DNAAF3: variants seen among roughly 807,000 people sequenced by gnomAD.
DNAAF3 encodes the protein dynein axonemal assembly factor 3, also known as UPF0470 protein C19orf51.
In DNAAF3, 40 loss-of-function variants were observed where a neutral mutation model predicts 50.9. The observed-to-expected ratio is 0.79, with a 90% confidence interval of 0.61 to 1.02. The LOEUF (loss-of-function observed/expected upper bound fraction) is 1.02, where lower values mean the gene tolerates loss of function less well. Among genes scored for constraint, DNAAF3 ranks in the 50% least tolerant of loss-of-function variants. DNAAF3 has a pLI of 0.00. For synonymous variants in DNAAF3, 327 were observed against 322.8 expected, an observed-to-expected ratio of 1.01 and a Z score of -0.14; for missense variants, 763 against 744.7, an observed-to-expected ratio of 1.02 and a Z score of -0.29.
chr19:55,162,748 A>T, intron 4 of DNAAF3: 3 of 906,004 alleles, frequency 3.3e-6, no homozygotes, highest in Non-Finnish European at 4.0e-6. Flanking sequence ...ATTACATATT[A>T]TAGGTAATCT....
chr19:55,166,204 C>T lies in DNAAF3; in HGVS notation c.85+125G>A. ...CTGCCCCTGGGAGCGCGCCCTCTGC[C>T]GCTGGAGCGTTGGAGAACGTTAGCG... On this transcript the variant is annotated intron_variant, in intron 2 of 11. Coordinates refer to ENST00000524407, the MANE Select transcript of DNAAF3 (RefSeq NM_001256715.2). The surrounding 1 kb of genome is among the most constrained non-coding windows in gnomAD (Gnocchi z 4.0). The T allele has an allele frequency of 1.2e-5, 19 of 1,547,862 alleles. No individual in the cohort carries two copies. Among genetic ancestry groups the T allele is most frequent in the Non-Finnish European group, 1.7e-5 (19 of 1,146,598 alleles).
Position 55,161,001 on chromosome 19 carries a change from G to A in DNAAF3, c.912+64C>T. 6.7e-7 allele frequency: 1 copy of A among 1,488,244 alleles called. No homozygotes were observed. Among genetic ancestry groups the A allele is most frequent in the Non-Finnish European group, 8.9e-7 (1 of 1,120,918 alleles). The allele number at this position is 1,488,244 out of a possible 1,614,324, so 92.2% of individuals were successfully genotyped here. A position where few individuals can be genotyped will look rare whatever the true frequency, so the allele number is the denominator to read the frequency against. The stretch of plus-strand genomic sequence containing the variant: ...GGGGGCGGGGCCTGCTGTGGGGGCG[G>A]GGCCTTGCGCACCCACCGACCCCCA... On this transcript the variant is annotated intron_variant, in intron 8 of 11. Coordinates refer to ENST00000524407, the MANE Select transcript of DNAAF3 (RefSeq NM_001256715.2). This position sits in a 1 kb window ranked among gnomAD's most constrained non-coding sequence, Gnocchi z 6.4.
chr19:55,161,790 G>T lies in DNAAF3; in HGVS notation c.516C>A (p.Arg172=). 1 of 1,486,104 alleles carries T rather than the reference G, an allele frequency of 6.7e-7. No individual in the cohort carries two copies. The allele number at this position is 1,486,104 out of a possible 1,614,324, so 92.1% of individuals were successfully genotyped here. A position where few individuals can be genotyped will look rare whatever the true frequency, so the allele number is the denominator to read the frequency against. ...RERDALEAVF[R]FWAGGEKGPQ... ...GCCCTTTCTCGCCGCCAGCCCAGAAGCGGAATACGGCCTCCAGGGCATCCC... is the reference window on the plus strand; with the variant it reads ...GCCCTTTCTCGCCGCCAGCCCAGAATCGGAATACGGCCTCCAGGGCATCCC... Residue 172 remains arginine (R), a synonymous_variant, in exon 6 of 12, where the codon CGC becomes CGA. Transcript: ENST00000524407. This position sits in a 1 kb window ranked among gnomAD's most constrained non-coding sequence, Gnocchi z 6.4.
intron 4 of DNAAF3, among the ~76,000 whole-genome samples, chr19:55,164,951 T>A (rs1373234613): frequency 6.6e-6 from 1 of 152,042 alleles, no homozygotes; most frequent in African/African-American, 2.4e-5. Context: ...ATATTGGATT[T>A]TTTTTTTCAT....
rs371357562 is a variant in DNAAF3 at position 55,160,770 on chromosome 19, G to C, written c.918C>G (p.Ala306=). ...RTSNGQPVKT[A]GEITQHNVTE... ...TCACGTTGTGTTGAGTGATCTCCCCGGCCGTCTAACAGTAGAAGGGGCGTG... is the reference window on the plus strand; with the variant it reads ...TCACGTTGTGTTGAGTGATCTCCCCCGCCGTCTAACAGTAGAAGGGGCGTG... Residue 306 remains alanine (A), a synonymous_variant, in exon 9 of 12, where the codon GCC becomes GCG. Transcript: ENST00000524407. This position sits in a 1 kb window ranked among gnomAD's most constrained non-coding sequence, Gnocchi z 4.7. The C allele has an allele frequency of 5.0e-6, 8 of 1,609,908 alleles. No individual in the cohort carries two copies. In the Admixed American group the frequency reaches 5.0e-5, roughly 10 times the overall value.
In DNAAF3 at chr19:55,166,244, G is replaced by T; in HGVS notation, c.85+85C>A. 1 of 1,558,838 alleles carries T rather than the reference G, an allele frequency of 6.4e-7. No individual in the cohort carries two copies. Among genetic ancestry groups the T allele is most frequent in the South Asian group, 1.2e-5 (1 of 86,092 alleles). On this transcript the variant is annotated intron_variant, in intron 2 of 11. Transcript: ENST00000524407. This position sits in a 1 kb window ranked among gnomAD's most constrained non-coding sequence, Gnocchi z 4.0. ...GAACGTTAGCGCCCCCCTTGCCACC[G>T]ACGCTGGGACTACGAGCTCTAAAAG...
At position 55,161,664 on chromosome 19, in the gene DNAAF3, G is replaced by T; in HGVS notation, c.642C>A (p.Arg214=). 1 of 1,538,984 alleles carries T rather than the reference G, an allele frequency of 6.5e-7. No individual in the cohort carries two copies. The highest frequency in any genetic ancestry group is 1.2e-5 in the South Asian group (1 of 83,910). Residue 214 remains arginine (R), a synonymous_variant, in exon 6 of 12, where the codon CGC becomes CGA. Coordinates refer to ENST00000524407, the MANE Select transcript of DNAAF3 (RefSeq NM_001256715.2). This position sits in a 1 kb window ranked among gnomAD's most constrained non-coding sequence, Gnocchi z 6.4. ...TCACCCCGCGGTCATGCAGCTTCATGCGCAGGTCCCAGTCGCTGACACCGC... is the reference window on the plus strand; with the variant it reads ...TCACCCCGCGGTCATGCAGCTTCATTCGCAGGTCCCAGTCGCTGACACCGC... The part of the protein sequence containing the change: ...ARRGVSDWDL[R]MKLHDRGAQV...
intron 4 of DNAAF3, among the ~76,000 whole-genome samples, chr19:55,164,948 A>AT (rs141126331): frequency 0.11 from 15,438 of 141,666 alleles, 843 homozygotes; most frequent in Middle Eastern, 0.15. Context: ...AATATATTGG[A>AT]TTTTTTTTTT....
rs1030647614 is a variant in DNAAF3 at position 55,159,514 on chromosome 19, C to T, written c.1238+19G>A. Reference sequence around the variant, plus strand: ...ATCCCCAGCCAGGATGTTCCCCACCCTCCACCCCACTGACTCACCGGGCTA... The same window carrying T: ...ATCCCCAGCCAGGATGTTCCCCACCTTCCACCCCACTGACTCACCGGGCTA... On this transcript the variant is annotated intron_variant, in intron 11 of 11. Transcript: ENST00000524407. 1 of 1,596,998 alleles carries T rather than the reference C, an allele frequency of 6.3e-7. No individual in the cohort carries two copies. The highest frequency in any genetic ancestry group is 8.5e-7 in the Non-Finnish European group (1 of 1,170,308).
intron 4 of DNAAF3, chr19:55,162,635 A>G: frequency 1.0e-6 from 1 of 1,004,450 alleles, no homozygotes; most frequent in Middle Eastern, 4.8e-4. Flanking sequence ...AGAGTTGCAG[A>G]TTCCACACTC....
Position 55,158,750 on chromosome 19 carries a change from G to A in DNAAF3, c.*312C>T, listed in dbSNP as rs2085764659. 3.8e-6 allele frequency: 1 copy of A among 259,888 alleles called. No individual in the cohort carries two copies. Among genetic ancestry groups the A allele is most frequent in the African/African-American group, 2.2e-5 (1 of 46,030 alleles). The allele number at this position is 259,888 out of a possible 1,614,324, so 16.1% of individuals were successfully genotyped here. The stretch of plus-strand genomic sequence containing the variant: ...CACCCCAGCCCCTAGTCAGCCACAG[G>A]GTGCCTGGGAACAAGGGGGCCAAAG... On this transcript the variant is annotated 3_prime_UTR_variant, in exon 12 of 12. Coordinates refer to ENST00000524407, the MANE Select transcript of DNAAF3 (RefSeq NM_001256715.2).
At position 55,159,020 on chromosome 19, in the gene DNAAF3, C is replaced by T. The variant is rs761186350; in HGVS notation, c.*42G>A. On this transcript the variant is annotated 3_prime_UTR_variant, in exon 12 of 12. Transcript: ENST00000524407. ...TATCAGCGGGTTCTCATCCTACAACCTGACTTTGGAAGTTGGAGATAAGGG... is the reference window on the plus strand; with the variant it reads ...TATCAGCGGGTTCTCATCCTACAACTTGACTTTGGAAGTTGGAGATAAGGG... 1.3e-6 allele frequency: 2 copies of T among 1,530,256 alleles called. No homozygotes were observed. Among genetic ancestry groups the T allele is most frequent in the Non-Finnish European group, 1.8e-6 (2 of 1,141,436 alleles). The allele number at this position is 1,530,256 out of a possible 1,614,324, so 94.8% of individuals were successfully genotyped here.
chr19:55,163,827 A>C (rs1044962141), intron 4 of DNAAF3, among the ~76,000 whole-genome samples: 3 of 152,220 alleles, frequency 2.0e-5, no homozygotes, highest in African/African-American at 7.2e-5. Flanking sequence ...AACTTTGAAC[A>C]ATCTGTACTG....
At chr19:55,163,448 G>A (rs982843120) in intron 4 of DNAAF3, among the ~76,000 whole-genome samples, 4 of 151,260 alleles carry the variant, frequency 2.6e-5, no homozygotes, top group South Asian at 4.2e-4. Context: ...GTGAGCCACC[G>A]CGCCCGGCCA....
At chr19:55,162,007 G>T in intron 5 of DNAAF3, 126 bp downstream of exon 5, 1 of 1,338,494 alleles carries the variant, frequency 7.5e-7, no homozygotes, top group South Asian at 1.8e-5. Flanking sequence ...CCCACAGTGG[G>T]AGTCGGGGAA....
chr19:55,160,631 C>T lies in DNAAF3; in HGVS notation c.1048+9G>A. 1.2e-6 allele frequency: 2 copies of T among 1,607,420 alleles called. No homozygotes were observed. Among genetic ancestry groups the T allele is most frequent in the African/African-American group, 1.4e-5 (1 of 73,924 alleles). ...GTCCCTGGCTTACCTGTTGTTGTCC[C>T]TGGCTTACCTGGAGTCCCTGGCTCC... On this transcript the variant is annotated intron_variant, in intron 9 of 11. Transcript: ENST00000524407. This position sits in a 1 kb window ranked among gnomAD's most constrained non-coding sequence, Gnocchi z 4.7.
chr19:55,160,840 G>C lies in DNAAF3; in HGVS notation c.913-65C>G. 1 of 1,561,268 alleles carries C rather than the reference G, an allele frequency of 6.4e-7. No individual in the cohort carries two copies. The highest frequency in any genetic ancestry group is 1.4e-5 in the African/African-American group (1 of 73,524). On this transcript the variant is annotated intron_variant, in intron 8 of 11. Transcript: ENST00000524407. The surrounding 1 kb of genome is among the most constrained non-coding windows in gnomAD (Gnocchi z 4.7). Reference sequence around the variant, plus strand: ...ATGGCGGGGCGGGGCTTAGAACGCTGGGAGTCCTCGGTCCAGGACTAGAAC... The same window carrying C: ...ATGGCGGGGCGGGGCTTAGAACGCTCGGAGTCCTCGGTCCAGGACTAGAAC...
chr19:55,164,700 T>C (rs1568867852), intron 4 of DNAAF3, among the ~76,000 whole-genome samples: 1 of 151,860 alleles, frequency 6.6e-6, no homozygotes, highest in Non-Finnish European at 1.5e-5. Context: ...AATTGTTGTA[T>C]GTTTAGTAGA....
Position 55,162,295 on chromosome 19 carries a change from G to T in DNAAF3, c.323-5C>A, listed in dbSNP as rs549295806. ...CCAGGAAGGTCTCGCTTCGCTCTAC[G>T]GAGAGAGGGAGATAATTGCGGGAAT... On this transcript the variant is annotated splice_polypyrimidine_tract_variant and splice_region_variant and intron_variant, in intron 4 of 11. Transcript: ENST00000524407. 16 of 1,248,282 alleles carry T rather than the reference G, an allele frequency of 1.3e-5. No homozygotes were observed. Among genetic ancestry groups the T allele is most frequent in the Non-Finnish European group, 1.6e-5 (16 of 988,658 alleles). 77.3% of individuals were successfully genotyped at this position (1,248,282 alleles called of 1,614,324 possible). A position where few individuals can be genotyped will look rare whatever the true frequency, so the allele number is the denominator to read the frequency against.
Sources: gnomAD v4.1 joint callset for allele counts (sites outside exome capture counted in the v4.1 genomes callset) on GRCh38, gnomAD v4.1.1 for gene constraint, Gnocchi (gnomAD v3.1) non-coding constraint, MANE v1.5 for transcripts, NCBI Gene and HGNC (gene_info 2026-07-23, HGNC 2026-07-21) for gene names.